GXYLT2: variants seen among roughly 807,000 people sequenced by gnomAD.
The protein encoded by GXYLT2 is glycosyltransferase 8 domain containing 4.
Under a neutral mutation model 45.8 loss-of-function variants are expected in GXYLT2, and 53 were observed. That is an observed-to-expected ratio of 1.16 (90% confidence interval 0.93 to 1.46). The LOEUF (loss-of-function observed/expected upper bound fraction) is 1.46. GXYLT2 is among the 40% of genes most tolerant of loss of function. The probability of loss-of-function intolerance (pLI) is 0.00; values close to 1 mark genes in which losing one functional copy is unlikely to be tolerated. For missense variants in GXYLT2, 551 were observed against 544.4 expected, an observed-to-expected ratio of 1.01 and a Z score of -0.12; for synonymous variants, 219 against 214.2, an observed-to-expected ratio of 1.02 and a Z score of -0.19.
chr3:72,953,534 C>G, intron 3 of GXYLT2, among the ~76,000 whole-genome samples: 1 of 152,150 alleles, frequency 6.6e-6, no homozygotes, highest in East Asian at 1.9e-4. Flanking sequence ...AAGCTATCTG[C>G]CTGCCTCGGC....
In GXYLT2 at chr3:72,913,232, G is replaced by A. The variant is rs975855230; in HGVS notation, c.468+4673G>A. On this transcript the variant is annotated intron_variant, in intron 2 of 6. Transcript: ENST00000389617. ...TTTTTGTATTTTTAGTAGAGACGGG[G>A]TTTCACCGTGTTAGCCAGGATGGTC... Among the ~76,000 whole-genome samples, 70 of 150,826 alleles carry A rather than the reference G, an allele frequency of 4.6e-4. 1 individual carries two copies. The Middle Eastern group carries it at 0.014, about 29-fold the overall frequency.
At chr3:72,905,011 G>A (rs1433065698) in intron 1 of GXYLT2, among the ~76,000 whole-genome samples, 1 of 139,422 alleles carries the variant, frequency 7.2e-6, no homozygotes, top group Admixed American at 7.5e-5. Context: ...GTTGCAGTGA[G>A]CTGAAATTGC....
rs1221485151 is a variant in GXYLT2, at chr3:72,916,640, A to C, written c.469-5564A>C. On this transcript the variant is annotated intron_variant, in intron 2 of 6. Transcript: ENST00000389617. The stretch of plus-strand genomic sequence containing the variant: ...CTGCAACCTCTGCCTCCTGGGTTCC[A>C]GTGCTTCTTGTGCCTCAGCCCCCCT... 2.6e-5 allele frequency among the ~76,000 whole-genome samples: 4 copies of C among 152,174 alleles called. No individual in the cohort carries two copies. The East Asian group carries it at 5.8e-4, about 22-fold the overall frequency.
intron 3 of GXYLT2, among the ~76,000 whole-genome samples, chr3:72,954,374 G>A (rs2107140255): frequency 6.8e-6 from 1 of 146,920 alleles, no homozygotes; most frequent in South Asian, 2.1e-4. Context: ...CCAAAGTGCT[G>A]GAATTACAGG....
intron 1 of GXYLT2, among the ~76,000 whole-genome samples, chr3:72,890,104 G>C (rs1228122302): frequency 6.6e-6 from 1 of 152,002 alleles, no homozygotes; most frequent in African/African-American, 2.4e-5. Flanking sequence ...ATTTTTAGTA[G>C]AGAGACGGGG....
chr3:72,916,712 T>C (rs1709750743), intron 2 of GXYLT2, among the ~76,000 whole-genome samples: 2 of 151,632 alleles, frequency 1.3e-5, no homozygotes, highest in African/African-American at 4.8e-5. Context: ...GCTAATTTTG[T>C]ATTTTTTAGT....
At chr3:72,936,420 G>A (rs1489686374) in intron 3 of GXYLT2, among the ~76,000 whole-genome samples, 1 of 152,060 alleles carries the variant, frequency 6.6e-6, no homozygotes, top group Non-Finnish European at 1.5e-5. Context: ...TTGGGAGGCC[G>A]AGGCAGATGA....
At chr3:72,899,110 C>A (rs1709351370) in intron 1 of GXYLT2, among the ~76,000 whole-genome samples, 1 of 152,152 alleles carries the variant, frequency 6.6e-6, no homozygotes, top group Non-Finnish European at 1.5e-5. Flanking sequence ...TCTTAAGTCC[C>A]CCTCTCTGGG....
intron 3 of GXYLT2, among the ~76,000 whole-genome samples, chr3:72,945,308 T>A (rs1575805713): frequency 6.7e-6 from 1 of 149,732 alleles, no homozygotes; most frequent in Non-Finnish European, 1.5e-5. Context: ...AAAATAAAAA[T>A]AAAATAAAAT....
intron 1 of GXYLT2, among the ~76,000 whole-genome samples, chr3:72,904,272 A>G (rs1485647647): frequency 1.3e-5 from 2 of 152,226 alleles, no homozygotes; most frequent in Non-Finnish European, 2.9e-5. Context: ...GATCCTCACA[A>G]TCTTGATTGA....
intron 3 of GXYLT2, among the ~76,000 whole-genome samples, chr3:72,954,294 G>A (rs1710584349): frequency 6.6e-6 from 1 of 151,620 alleles, no homozygotes; most frequent in South Asian, 2.1e-4. Context: ...TTTTAGTAGA[G>A]ACAGGGTTTC....
intron 4 of GXYLT2, among the ~76,000 whole-genome samples, chr3:72,955,696 G>A (rs1437367891): frequency 1.3e-5 from 2 of 152,164 alleles, no homozygotes; most frequent in Non-Finnish European, 2.9e-5. Context: ...GACGATATTT[G>A]TATAAGGATG....
intron 1 of GXYLT2, among the ~76,000 whole-genome samples, chr3:72,906,226 T>A (rs1283533549): frequency 6.6e-6 from 1 of 152,038 alleles, no homozygotes; most frequent in African/African-American, 2.4e-5. Context: ...GGCCTGTGAG[T>A]CTTGCAGGCG....
At position 72,975,308 on chromosome 3, in the gene GXYLT2, GC is replaced by G; in HGVS notation, c.*154del. 4.3e-6 allele frequency: 2 copies of G among 461,472 alleles called. No homozygotes were observed. The highest frequency in any genetic ancestry group is 3.8e-6 in the Non-Finnish European group (1 of 263,102). The allele number at this position is 461,472 out of a possible 1,614,324, so 28.6% of individuals were successfully genotyped here. A position where few individuals can be genotyped will look rare whatever the true frequency, so the allele number is the denominator to read the frequency against. ...CTCGTTAAATTTTGCCAAATCAGTT[GC>G]CCCCAAAAGGGAATATGCTTTTCCT... On this transcript the variant is annotated 3_prime_UTR_variant, in exon 7 of 7. Transcript: ENST00000389617.
intron 6 of GXYLT2, among the ~76,000 whole-genome samples, chr3:72,974,287 A>G (rs1175473205): frequency 6.6e-6 from 1 of 152,226 alleles, no homozygotes; most frequent in African/African-American, 2.4e-5. Flanking sequence ...ATGATCTCAA[A>G]AGCCCAATAT....
chr3:72,944,834 A>G (rs1010219472), intron 3 of GXYLT2, among the ~76,000 whole-genome samples: 1 of 152,002 alleles, frequency 6.6e-6, no homozygotes, highest in Non-Finnish European at 1.5e-5. Flanking sequence ...TTCGAAATGC[A>G]TGAGAGGTAA....
Position 72,951,654 on chromosome 3 carries a change from C to G in GXYLT2, c.601-3444C>G, listed in dbSNP as rs536339580. On this transcript the variant is annotated intron_variant, in intron 3 of 6. Transcript: ENST00000389617. Reference sequence around the variant, plus strand: ...TTCTCACATTTCTCTGAGATGTACCCTTAGGGCTACTTTTGTGTGTTCCTT... The same window carrying G: ...TTCTCACATTTCTCTGAGATGTACCGTTAGGGCTACTTTTGTGTGTTCCTT... 5.3e-5 allele frequency among the ~76,000 whole-genome samples: 8 copies of G among 152,272 alleles called. No homozygotes were observed. In the South Asian group the frequency reaches 1.2e-3, roughly 24 times the overall value.
chr3:72,930,198 T>G lies in GXYLT2; in HGVS notation c.600+7863T>G, dbSNP rs181860981. 6.3e-3 allele frequency among the ~76,000 whole-genome samples: 948 copies of G among 151,666 alleles called. 7 individuals carry two copies. The highest frequency in any genetic ancestry group is 0.021 in the African/African-American group (886 of 41,346). ...ACAAAAAAAAAAACAGAGTTGCAGT[T>G]ATAGTTGATAAAGAATACAGTCGAA... On this transcript the variant is annotated intron_variant, in intron 3 of 6. Transcript: ENST00000389617.
chr3:72,964,267 C>CAGAGG (rs1710819321), intron 5 of GXYLT2, among the ~76,000 whole-genome samples: 1 of 152,146 alleles, frequency 6.6e-6, no homozygotes, highest in Admixed American at 6.6e-5. Flanking sequence ...GAGTGCCCCT[C>CAGAGG]ACTGGGCTCA....
Sources: gnomAD v4.1 joint callset for allele counts (sites outside exome capture counted in the v4.1 genomes callset) on GRCh38, gnomAD v4.1.1 for gene constraint, MANE v1.5 for transcripts, NCBI Gene and HGNC (gene_info 2026-07-23, HGNC 2026-07-21) for gene names.